The following GRM1 variants were observed in gnomAD, a reference collection of about 807,000 sequenced individuals.
GRM1 encodes glutamate metabotropic receptor 1, also known as metabotropic glutamate receptor 1.
GRM1 carries 33 observed loss-of-function variants against 90.9 expected under a neutral mutation model. That is an observed-to-expected ratio of 0.36 (90% CI 0.28 to 0.49). The LOEUF (loss-of-function observed/expected upper bound fraction) is 0.49. Ranked by LOEUF, GRM1 falls within the 20% of genes least tolerant of loss-of-function variation. The pLI is 0.99. For missense variants in GRM1, 1,190 were observed against 1,534.3 expected (o/e 0.78, Z 3.75); for synonymous variants, 700 against 613.2 (o/e 1.14, Z -2.09).
At chr6:146,408,408 A>G (rs1057237454) in intron 7 of GRM1, among the ~76,000 whole-genome samples, 5 of 152,170 alleles carry the variant, frequency 3.3e-5, no homozygotes, top group African/African-American at 1.2e-4. Context: ...AGTTATAAAA[A>G]TGGATAATAA....
intron 2 of GRM1, among the ~76,000 whole-genome samples, chr6:146,205,191 T>C (rs1375830331): frequency 6.6e-6 from 1 of 152,214 alleles, no homozygotes; most frequent in East Asian, 1.9e-4. Flanking sequence ...TCAAAGATTT[T>C]GTTAGAAAAT....
intron 2 of GRM1, among the ~76,000 whole-genome samples, chr6:146,303,792 CAG>C (rs1783477697): frequency 6.6e-6 from 1 of 152,248 alleles, no homozygotes; most frequent in Non-Finnish European, 1.5e-5. Context: ...TAGTCTTGAA[CAG>C]AGTCTTCTTT....
At chr6:146,136,980 G>A (rs1015976087) in intron 1 of GRM1, among the ~76,000 whole-genome samples, 2 of 149,096 alleles carry the variant, frequency 1.3e-5, no homozygotes, top group African/African-American at 2.5e-5. Context: ...AGCCTCCCAA[G>A]TAGCTGGTAT....
chr6:146,418,128 A>G (rs1459447073), intron 7 of GRM1, among the ~76,000 whole-genome samples: 1 of 152,116 alleles, frequency 6.6e-6, no homozygotes, highest in Non-Finnish European at 1.5e-5. Context: ...GTAGTAATTA[A>G]CTTAAAAATA....
intron 7 of GRM1, among the ~76,000 whole-genome samples, chr6:146,407,894 A>C (rs893118751): frequency 6.6e-6 from 1 of 152,242 alleles, no homozygotes; most frequent in African/African-American, 2.4e-5. Context: ...CATTGTGTGC[A>C]TGAAATGATA....
intron 7 of GRM1, among the ~76,000 whole-genome samples, chr6:146,428,901 G>A (rs1026942118): frequency 2.6e-5 from 4 of 152,106 alleles, no homozygotes; most frequent in Admixed American, 1.3e-4. Flanking sequence ...CCTCTACCCA[G>A]ACAAACTTTA....
chr6:146,290,282 C>T (rs1176128122), intron 2 of GRM1, among the ~76,000 whole-genome samples: 1 of 152,048 alleles, frequency 6.6e-6, no homozygotes, highest in Non-Finnish European at 1.5e-5. Context: ...GATCCATGGA[C>T]GCAACTCTTG....
chr6:146,095,327 C>A (rs1000743120), intron 1 of GRM1, among the ~76,000 whole-genome samples: 2 of 152,208 alleles, frequency 1.3e-5, no homozygotes, highest in African/African-American at 4.8e-5. Flanking sequence ...CACTTTAAGG[C>A]AGGGGGAACC....
At chr6:146,351,221 ATGCAGCTAAATTGCTG>A (rs2115039170) in intron 3 of GRM1, among the ~76,000 whole-genome samples, 1 of 152,264 alleles carries the variant, frequency 6.6e-6, no homozygotes, top group East Asian at 1.9e-4. Flanking sequence ...TCAACCCCAT[ATGCAGCTAAATTGCTG>A]ACTTTCCCAC....
At chr6:146,366,189 A>G (rs918771685) in intron 5 of GRM1, among the ~76,000 whole-genome samples, 1 of 152,198 alleles carries the variant, frequency 6.6e-6, no homozygotes, top group Non-Finnish European at 1.5e-5. Context: ...CTGAATAAAT[A>G]TGCTCTCCAT....
intron 2 of GRM1, among the ~76,000 whole-genome samples, chr6:146,294,918 A>G (rs1783123949): frequency 2.6e-5 from 4 of 152,100 alleles, no homozygotes; most frequent in Admixed American, 2.6e-4. Flanking sequence ...CAGTACATTC[A>G]TATTTTAGAA....
intron 7 of GRM1, among the ~76,000 whole-genome samples, chr6:146,403,200 A>C (rs559861179): frequency 6.6e-6 from 1 of 152,318 alleles, no homozygotes; most frequent in East Asian, 1.9e-4. Context: ...AACATTATTC[A>C]ACTGAAAAAT....
At chr6:146,058,455 T>C (rs187602761) in intron 1 of GRM1, among the ~76,000 whole-genome samples, 43 of 152,272 alleles carry the variant, frequency 2.8e-4, no homozygotes, top group Middle Eastern at 3.4e-3. Context: ...AGTTTACTGC[T>C]AAAAAATGCT....
rs73571239 is a variant in GRM1 at position 146,125,128 on chromosome 6, A to G, written c.701-34220A>G. Among the ~76,000 whole-genome samples, 1,516 of 152,246 alleles carry G rather than the reference A, an allele frequency of 1.0e-2. 21 individuals carry two copies. The highest frequency in any genetic ancestry group is 0.035 in the African/African-American group (1,439 of 41,560). On this transcript the variant is annotated intron_variant, in intron 1 of 7. Coordinates refer to ENST00000282753, the MANE Select transcript of GRM1 (RefSeq NM_001278064.2). ...ATTTCTTTGGTAACTGCCACTTGCC[A>G]AATCATGGAATCTGGAATTAAGCTT...
rs1357645131 is a variant in GRM1 at position 146,357,083 on chromosome 6, C to A, written c.1434-443C>A. 2.0e-5 allele frequency among the ~76,000 whole-genome samples: 3 copies of A among 152,162 alleles called. 1 individual carries two copies. The South Asian group carries it at 6.2e-4, about 32-fold the overall frequency. ...TCTTGCTCTATTAGCACCTTAAAAACGTTCCAGACTTGGTAAAACTCATCC... is the reference window on the plus strand; with the variant it reads ...TCTTGCTCTATTAGCACCTTAAAAAAGTTCCAGACTTGGTAAAACTCATCC... On this transcript the variant is annotated intron_variant, in intron 4 of 7. Coordinates refer to ENST00000282753, the MANE Select transcript of GRM1 (RefSeq NM_001278064.2).
At chr6:146,359,437 AG>A (rs1775371065) in intron 5 of GRM1, among the ~76,000 whole-genome samples, 1 of 152,222 alleles carries the variant, frequency 6.6e-6, no homozygotes, top group Non-Finnish European at 1.5e-5. Flanking sequence ...CTGCCTCTCC[AG>A]TGTGGGTGTA....
intron 2 of GRM1, among the ~76,000 whole-genome samples, chr6:146,184,394 C>G (rs1242512582): frequency 6.6e-6 from 1 of 152,018 alleles, no homozygotes; most frequent in Non-Finnish European, 1.5e-5. Flanking sequence ...GTTTACAATA[C>G]TGATAAATTC....
intron 1 of GRM1, among the ~76,000 whole-genome samples, chr6:146,104,408 C>A (rs1777155612): frequency 6.6e-6 from 1 of 151,970 alleles, no homozygotes; most frequent in South Asian, 2.1e-4. Context: ...CCACTGCACT[C>A]CAGCCTGGGC....
At chr6:146,095,191 G>A (rs957195051) in intron 1 of GRM1, among the ~76,000 whole-genome samples, 4 of 152,150 alleles carry the variant, frequency 2.6e-5, no homozygotes, top group African/African-American at 9.6e-5. Context: ...AAAGACAACC[G>A]ACATGTGATT....
Sources: allele counts gnomAD v4.1 joint callset (sites outside exome capture counted in the v4.1 genomes callset), GRCh38; gene constraint gnomAD v4.1.1; transcripts MANE v1.5; gene names NCBI Gene and HGNC (gene_info 2026-07-23, HGNC 2026-07-21).